The following AKR1A1 variants were observed in gnomAD, a reference collection of about 807,000 sequenced individuals.
The protein encoded by AKR1A1 is HEL-S-165mP.
Under a neutral mutation model 39.2 loss-of-function variants are expected in AKR1A1, and 26 were observed. The ratio of observed to expected loss-of-function variants is 0.66; its 90% CI spans 0.49 to 0.92. AKR1A1 has a LOEUF of 0.92. Among genes scored for constraint, AKR1A1 ranks in the 40% least tolerant of loss-of-function variants. The probability of loss-of-function intolerance (pLI) is 0.00; values close to 1 mark genes in which losing one functional copy is unlikely to be tolerated. For synonymous variants in AKR1A1, 141 were observed against 155.5 expected (o/e 0.91, Z 0.69); for missense variants, 378 against 406.5 (o/e 0.93, Z 0.60).
At chr1:45,568,729 G>T (rs1202294342) in intron 6 of AKR1A1, 45 bp downstream of exon 6, 4 of 1,606,002 alleles carry the variant, frequency 2.5e-6, no homozygotes, top group Non-Finnish European at 3.4e-6. Context: ...GGGAGGCAAG[G>T]GTTAAGGGAT....
At chr1:45,557,514 T>G (rs1454625868) in intron 1 of AKR1A1, among the ~76,000 whole-genome samples, 4 of 152,176 alleles carry the variant, frequency 2.6e-5, no homozygotes, top group African/African-American at 9.7e-5. Flanking sequence ...AGAAGCAAGA[T>G]TCAGGTTTCT....
intron 1 of AKR1A1, among the ~76,000 whole-genome samples, chr1:45,560,946 C>G (rs1312585227): frequency 6.6e-6 from 1 of 152,146 alleles, no homozygotes; most frequent in Admixed American, 6.5e-5. Flanking sequence ...CCAGGATGGT[C>G]TCGATCTCCT....
rs185526934 is a variant in AKR1A1 at position 45,559,735 on chromosome 1, C to A, written c.-6-2054C>A. 3.4e-3 allele frequency among the ~76,000 whole-genome samples: 476 copies of A among 140,738 alleles called. 2 individuals carry two copies. Among genetic ancestry groups the A allele is most frequent in the Middle Eastern group, 7.8e-3 (2 of 256 alleles). 92.3% of individuals were successfully genotyped at this position (140,738 alleles called of 152,430 possible). On this transcript the variant is annotated intron_variant, in intron 1 of 8. Coordinates refer to ENST00000351829, the MANE Select transcript of AKR1A1 (RefSeq NM_153326.3). ...CTCAGCTCACTGCAACCTCCGCCTC[C>A]CGGGTTCAAGCAATTCTCCTGCCTC...
intron 4 of AKR1A1, 133 bp downstream of exon 4, chr1:45,567,153 G>T: frequency 8.0e-7 from 1 of 1,253,300 alleles, no homozygotes; most frequent in East Asian, 2.4e-5. Context: ...GCTTGACATG[G>T]GATCTTAGCC....
At chr1:45,562,744 A>G (rs1429059797) in intron 2 of AKR1A1, among the ~76,000 whole-genome samples, 1 of 152,024 alleles carries the variant, frequency 6.6e-6, no homozygotes, top group Non-Finnish European at 1.5e-5. Context: ...TCCTGACCTC[A>G]GGAGATCCAC....
intron 1 of AKR1A1, among the ~76,000 whole-genome samples, chr1:45,554,934 G>A (rs922575512): frequency 1.3e-5 from 2 of 152,068 alleles, no homozygotes; most frequent in African/African-American, 4.8e-5. Flanking sequence ...CAAGCAATCT[G>A]CTTGCCTCAG....
Position 45,569,237 on chromosome 1 carries a change from T to C in AKR1A1, c.912+8T>C. 1 of 1,610,488 alleles carries C rather than the reference T, an allele frequency of 6.2e-7. No homozygotes were observed. Among genetic ancestry groups the C allele is most frequent in the South Asian group, 1.1e-5 (1 of 91,006 alleles). The stretch of plus-strand genomic sequence containing the variant: ...ATTGTGCCTATGCTTACGGTGAGGA[T>C]GTATCAGCCTCCTAGACTTGGGGAA... On this transcript the variant is annotated splice_region_variant and intron_variant, in intron 8 of 8. Transcript: ENST00000351829.
chr1:45,551,864 G>T (rs1479820905), intron 1 of AKR1A1, among the ~76,000 whole-genome samples: 1 of 152,140 alleles, frequency 6.6e-6, no homozygotes, highest in Non-Finnish European at 1.5e-5. Flanking sequence ...AACAGGTAAA[G>T]GAAGAAGGTG....
At chr1:45,552,122 G>A (rs1301314436) in intron 1 of AKR1A1, among the ~76,000 whole-genome samples, 1 of 152,038 alleles carries the variant, frequency 6.6e-6, no homozygotes, top group South Asian at 2.1e-4. Context: ...ACAGAAAAAT[G>A]TAGTGATGTG....
intron 6 of AKR1A1, 74 bp downstream of exon 6, chr1:45,568,758 G>A: frequency 6.3e-7 from 1 of 1,576,998 alleles, no homozygotes; most frequent in Non-Finnish European, 8.7e-7. Context: ...TCAGTGTCTG[G>A]GTGAGGCTGA....
intron 6 of AKR1A1, 43 bp from the exon 7 acceptor site, chr1:45,568,884 A>G: frequency 6.2e-7 from 1 of 1,600,702 alleles, no homozygotes; most frequent in Non-Finnish European, 8.6e-7. Context: ...AGTGCTTATG[A>G]ATACTGACCC....
chr1:45,565,618 C>T (rs1039177250), intron 2 of AKR1A1, among the ~76,000 whole-genome samples: 2 of 151,374 alleles, frequency 1.3e-5, no homozygotes, highest in East Asian at 3.9e-4. Flanking sequence ...GGACTACAGG[C>T]ATATGCCACC....
chr1:45,562,537 T>A (rs1644292182), intron 2 of AKR1A1, among the ~76,000 whole-genome samples: 1 of 148,850 alleles, frequency 6.7e-6, no homozygotes, highest in East Asian at 2.0e-4. Flanking sequence ...TGAAACCGAG[T>A]CTCACTCTGT....
chr1:45,566,880 G>T lies in AKR1A1; in HGVS notation c.216G>T (p.Arg72=). The T allele has an allele frequency of 6.2e-7, 1 of 1,614,020 alleles. No homozygotes were observed. Among genetic ancestry groups the T allele is most frequent in the Non-Finnish European group, 8.5e-7 (1 of 1,179,970 alleles). The stretch of plus-strand genomic sequence containing the variant: ...GCCCCCTGCACTAGGCGGTGCCTCG[G>T]GAGGAGCTGTTTGTGACATCCAAGC... ...EDVGPGKAVP[R]EELFVTSKLW... is the part of the protein sequence containing the mutation. Residue 72 remains arginine, a synonymous_variant, in exon 4 of 9, where the codon CGG becomes CGT. Transcript: ENST00000351829.
At chr1:45,558,364 G>T (rs1327460696) in intron 1 of AKR1A1, among the ~76,000 whole-genome samples, 4 of 150,800 alleles carry the variant, frequency 2.7e-5, no homozygotes, top group Admixed American at 6.6e-5. Flanking sequence ...AAGTAGCTGA[G>T]ATTACAGGCA....
At chr1:45,561,938 G>T (rs1353505784) in intron 2 of AKR1A1, 60 bp downstream of exon 2, 1 of 1,536,982 alleles carries the variant, frequency 6.5e-7, no homozygotes, top group Admixed American at 1.7e-5. Context: ...TTTCCTAGCA[G>T]CCCCACCCCC....
intron 7 of AKR1A1, 67 bp from the exon 8 acceptor site, chr1:45,569,076 C>G (rs1258566740): frequency 6.2e-7 from 1 of 1,601,884 alleles, no homozygotes; most frequent in Admixed American, 1.7e-5. Context: ...GCTAAAAAGG[C>G]AGTGTTGTGG....
intron 1 of AKR1A1, among the ~76,000 whole-genome samples, chr1:45,551,906 C>G (rs1644135507): frequency 6.6e-6 from 1 of 152,016 alleles, no homozygotes; most frequent in Non-Finnish European, 1.5e-5. Flanking sequence ...AATGTCCTTC[C>G]AGCTGGCCAA....
chr1:45,566,283 T>C (rs1644342590), intron 2 of AKR1A1, among the ~76,000 whole-genome samples: 1 of 152,118 alleles, frequency 6.6e-6, no homozygotes, highest in African/African-American at 2.4e-5. Context: ...TAATTTTGTA[T>C]TTTTAGCAGA....
Sources: allele counts gnomAD v4.1 joint callset (sites outside exome capture counted in the v4.1 genomes callset), GRCh38; gene constraint gnomAD v4.1.1; transcripts MANE v1.5; gene names NCBI Gene and HGNC (gene_info 2026-07-23, HGNC 2026-07-21).